The following LEPR variants were observed in gnomAD, a reference collection of about 807,000 sequenced individuals.
LEPR encodes the protein leptin receptor.
Under a neutral mutation model 114.7 loss-of-function variants are expected in LEPR, and 56 were observed. That is an observed-to-expected ratio of 0.49 (90% CI 0.39 to 0.61). LEPR has a LOEUF of 0.61. Ranked by LOEUF, LEPR falls within the 20% of genes least tolerant of loss-of-function variation. The pLI, the probability that LEPR is intolerant of heterozygous loss-of-function variation, is 0.00. For synonymous variants in LEPR, 443 were observed against 461.4 expected (o/e 0.96, Z 0.51); for missense variants, 1,202 against 1,352.9 (o/e 0.89, Z 1.75).
At chr1:65,452,577 A>G (rs1282663842) in intron 2 of LEPR, among the ~76,000 whole-genome samples, 1 of 152,130 alleles carries the variant, frequency 6.6e-6, no homozygotes, top group Non-Finnish European at 1.5e-5. Flanking sequence ...ATGCTGGATT[A>G]CATTTATTGA....
At chr1:65,624,519 A>T (rs1658080448) in intron 19 of LEPR, among the ~76,000 whole-genome samples, 1 of 152,130 alleles carries the variant, frequency 6.6e-6, no homozygotes, top group Admixed American at 6.6e-5. Flanking sequence ...ACAGTGAAAA[A>T]AACTTAGGTT....
chr1:65,518,899 TTCTTTCTTTCTTTCTTTC>T (rs1461682780), intron 2 of LEPR, among the ~76,000 whole-genome samples: 255 of 99,074 alleles, frequency 2.6e-3, no homozygotes, highest in Middle Eastern at 0.017. Context: ...CTTTCTTTCT[TTCTTTCTTTCTTTCTTTC>T]TCTCTTTCTC....
intron 5 of LEPR, among the ~76,000 whole-genome samples, chr1:65,582,608 T>G (rs753359126): frequency 1.9e-4 from 29 of 152,180 alleles, no homozygotes; most frequent in Non-Finnish European, 3.5e-4. Flanking sequence ...AATGATTGCT[T>G]TTCTCACCCA....
chr1:65,433,225 T>C (rs1229307290), intron 2 of LEPR: 2 of 985,278 alleles, frequency 2.0e-6, no homozygotes, highest in Non-Finnish European at 2.4e-6. Context: ...CGGCTCTGGC[T>C]TCTTCCCGAA....
intron 2 of LEPR, among the ~76,000 whole-genome samples, chr1:65,453,227 C>T (rs1299019712): frequency 2.0e-5 from 3 of 151,970 alleles, no homozygotes; most frequent in African/African-American, 7.3e-5. Flanking sequence ...TTTCAAAAAA[C>T]CAGCTCCTGG....
chr1:65,507,297 T>C (rs914800092), intron 2 of LEPR, among the ~76,000 whole-genome samples: 2 of 152,042 alleles, frequency 1.3e-5, no homozygotes, highest in Admixed American at 1.3e-4. Flanking sequence ...GTGATCTGTC[T>C]GCCTCAGCCT....
At chr1:65,430,929 A>G (rs11208648) in intron 2 of LEPR, among the ~76,000 whole-genome samples, 19,717 of 152,210 alleles carry the variant, frequency 0.13, 2,406 homozygotes, top group African/African-American at 0.32. Context: ...GTATTGAGGT[A>G]GGATGGCTGT....
At chr1:65,546,984 A>T (rs1197947212) in intron 2 of LEPR, among the ~76,000 whole-genome samples, 1 of 152,198 alleles carries the variant, frequency 6.6e-6, no homozygotes, top group Non-Finnish European at 1.5e-5. Context: ...ATGTCCCATG[A>T]ATACCTAATT....
At chr1:65,485,967 T>C (rs1647465375) in intron 2 of LEPR, among the ~76,000 whole-genome samples, 1 of 152,166 alleles carries the variant, frequency 6.6e-6, no homozygotes, top group South Asian at 2.1e-4. Flanking sequence ...TTTTGGAATC[T>C]TAGATTTAAA....
chr1:65,544,598 T>A (rs1651506243), intron 2 of LEPR, among the ~76,000 whole-genome samples: 1 of 151,880 alleles, frequency 6.6e-6, no homozygotes, highest in Admixed American at 6.6e-5. Flanking sequence ...TCTTATTATT[T>A]TTAGATATGT....
chr1:65,608,330 A>C lies in LEPR; in HGVS notation c.1604-423A>C, dbSNP rs191394330. Among the ~76,000 whole-genome samples, 154 of 151,486 alleles carry C rather than the reference A, an allele frequency of 1.0e-3. 1 individual carries two copies. Among genetic ancestry groups the C allele is most frequent in the Admixed American group, 1.0e-2 (151 of 15,158 alleles). On this transcript the variant is annotated intron_variant, in intron 11 of 19. Transcript: ENST00000349533. ...ACTGCAAGCTTCACCTCCCGGGTTCATGCCATTCTCCTGCCTCAGCCTCCT... is the reference window on the plus strand; with the variant it reads ...ACTGCAAGCTTCACCTCCCGGGTTCCTGCCATTCTCCTGCCTCAGCCTCCT...
chr1:65,484,140 A>G (rs1647356215), intron 2 of LEPR, among the ~76,000 whole-genome samples: 1 of 152,048 alleles, frequency 6.6e-6, no homozygotes, highest in African/African-American at 2.4e-5. Flanking sequence ...TAAAAGCACC[A>G]GTCACTGTGC....
chr1:65,463,509 C>G (rs1246551682), intron 2 of LEPR, among the ~76,000 whole-genome samples: 1 of 152,108 alleles, frequency 6.6e-6, no homozygotes, highest in Non-Finnish European at 1.5e-5. Context: ...TATGTGGGCT[C>G]TTTTTTGGTT....
At chr1:65,609,799 A>G in intron 12 of LEPR, 148 bp from the exon 13 acceptor site, 4 of 1,126,464 alleles carry the variant, frequency 3.6e-6, no homozygotes, top group African/African-American at 1.5e-5. Flanking sequence ...TCCAAGCCTA[A>G]TTGTGACTAT....
Position 65,637,090 on chromosome 1 carries a change from A to C in LEPR, c.*75A>C. The C allele has an allele frequency of 6.9e-7, 1 of 1,453,470 alleles. No individual in the cohort carries two copies. Among genetic ancestry groups the C allele is most frequent in the East Asian group, 2.3e-5 (1 of 43,818 alleles). The allele number at this position is 1,453,470 out of a possible 1,614,324, so 90.0% of individuals were successfully genotyped here. A position where few individuals can be genotyped will look rare whatever the true frequency, so the allele number is the denominator to read the frequency against. Reference sequence around the variant, plus strand: ...GTAATAGATTATAGTTGTGGGTGGGAGAGAGAAAAGAAACCAGAGTCAAAT... The same window carrying C: ...GTAATAGATTATAGTTGTGGGTGGGCGAGAGAAAAGAAACCAGAGTCAAAT... On this transcript the variant is annotated 3_prime_UTR_variant, in exon 20 of 20. Coordinates refer to ENST00000349533, the MANE Select transcript of LEPR (RefSeq NM_002303.6).
intron 2 of LEPR, among the ~76,000 whole-genome samples, chr1:65,490,042 A>G (rs17127673): frequency 0.19 from 29,378 of 152,064 alleles, 3,431 homozygotes; most frequent in African/African-American, 0.33. Flanking sequence ...CAGGTATGCA[A>G]TCTTTCGGAA....
rs1022604201 is a variant in LEPR, at chr1:65,598,903, A to G, written c.994+99A>G. The G allele has an allele frequency of 1.8e-5, 28 of 1,544,844 alleles. No homozygotes were observed. The African/African-American group carries it at 3.4e-4, about 19-fold the overall frequency. On this transcript the variant is annotated intron_variant, in intron 8 of 19. Coordinates refer to ENST00000349533, the MANE Select transcript of LEPR (RefSeq NM_002303.6). ...TCTTACATTTTGAGGCCTTAAAATG[A>G]AAGGAGGAACACAGTATCAACTTCC...
At chr1:65,431,695 C>G (rs1557585884) in intron 2 of LEPR, 13 of 1,162,028 alleles carry the variant, frequency 1.1e-5, no homozygotes, top group Non-Finnish European at 8.5e-6. Context: ...CTTTTAGCAG[C>G]TTTGTGTAAC....
At position 65,633,742 on chromosome 1, in the gene LEPR, A is replaced by G. The variant is rs977390667; in HGVS notation, c.2674-2449A>G. The G allele has an allele frequency of 7.1e-6, 7 of 985,146 alleles. No homozygotes were observed. Among genetic ancestry groups the G allele is most frequent in the Non-Finnish European group, 8.4e-6 (7 of 829,808 alleles). 61.0% of individuals were successfully genotyped at this position (985,146 alleles called of 1,614,324 possible). A position where few individuals can be genotyped will look rare whatever the true frequency, so the allele number is the denominator to read the frequency against. On this transcript the variant is annotated intron_variant, in intron 19 of 19. Coordinates refer to ENST00000349533, the MANE Select transcript of LEPR (RefSeq NM_002303.6). This position sits in a 1 kb window ranked among gnomAD's most constrained non-coding sequence, Gnocchi z 4.1. ...TTTGAATATCTCCTGGCATTTTTGT[A>G]TCTAACTTTGTTCAATCTGGGAATT... is the stretch of plus-strand genomic sequence containing the variant.
Sources: allele counts gnomAD v4.1 joint callset (sites outside exome capture counted in the v4.1 genomes callset), GRCh38; gene constraint gnomAD v4.1.1; non-coding constraint Gnocchi (gnomAD v3.1); transcripts MANE v1.5; gene names NCBI Gene and HGNC (gene_info 2026-07-23, HGNC 2026-07-21).